CRB1: variants seen among roughly 807,000 people sequenced by gnomAD.
CRB1 encodes crumbs cell polarity complex component 1.
CRB1 carries 83 observed loss-of-function variants against 120.0 expected under a neutral mutation model. The observed-to-expected ratio is 0.69, with a 90% CI of 0.58 to 0.83. The LOEUF (loss-of-function observed/expected upper bound fraction) is 0.83. Ranked by LOEUF, CRB1 falls within the 40% of genes least tolerant of loss-of-function variation. The pLI is 0.00. For missense variants in CRB1, 1,699 were observed against 1,687.6 expected (o/e 1.01, Z -0.12); for synonymous variants, 625 against 612.5 (o/e 1.02, Z -0.30).
intron 5 of CRB1, among the ~76,000 whole-genome samples, chr1:197,401,680 T>C (rs1230259602): frequency 6.6e-6 from 1 of 152,146 alleles, no homozygotes; most frequent in African/African-American, 2.4e-5. Flanking sequence ...TTTGATAATG[T>C]ACTATTTTAT....
the CRB1 span, among the ~76,000 whole-genome samples, chr1:197,229,610 C>T: frequency 4.6e-5 from 7 of 152,264 alleles, no homozygotes; most frequent in Middle Eastern, 3.4e-3. Context: ...TCCCCTCCTT[C>T]TCTCCCTTCT....
intron 5 of CRB1, among the ~76,000 whole-genome samples, chr1:197,405,850 C>T (rs1053308518): frequency 3.3e-5 from 5 of 151,714 alleles, no homozygotes; most frequent in East Asian, 1.9e-4. Context: ...GCAGCCACCC[C>T]GTCTGGGAAG....
chr1:197,325,744 G>A (rs976197294), intron 1 of CRB1, among the ~76,000 whole-genome samples: 1 of 152,080 alleles, frequency 6.6e-6, no homozygotes, highest in African/African-American at 2.4e-5. Context: ...ACATGTTCCA[G>A]AACAATGAAT....
chr1:197,414,076 G>A (rs1663848584), intron 5 of CRB1: 1 of 362,784 alleles, frequency 2.8e-6, no homozygotes, highest in Non-Finnish European at 5.7e-6. Flanking sequence ...AGCAACTATT[G>A]TTTAATGCTA....
chr1:197,376,547 T>C (rs1220000657), intron 5 of CRB1, among the ~76,000 whole-genome samples: 1 of 152,154 alleles, frequency 6.6e-6, no homozygotes, highest in Admixed American at 6.6e-5. Context: ...TCTCTTTCTT[T>C]AATATCCCAC....
rs1241817338 is a variant in CRB1 at position 197,372,175 on chromosome 1, G to C, written c.1171+15162G>C. ...CTAAGCAATAAGATGAAGTCAACCT[G>C]TAGTATACATTTCAACTCTACTCCC... On this transcript the variant is annotated intron_variant, in intron 5 of 11. Transcript: ENST00000367400. Among the ~76,000 whole-genome samples the C allele has an allele frequency of 2.0e-5, 3 of 152,110 alleles. No homozygotes were observed. In the East Asian group the frequency reaches 5.8e-4, roughly 29 times the overall value.
At chr1:197,331,413 T>A (rs1658851096) in intron 2 of CRB1, among the ~76,000 whole-genome samples, 1 of 152,216 alleles carries the variant, frequency 6.6e-6, no homozygotes, top group African/African-American at 2.4e-5. Context: ...GACTTAATTG[T>A]CAATACTATC....
intron 1 of CRB1, among the ~76,000 whole-genome samples, chr1:197,313,044 A>G (rs1324488745): frequency 6.6e-6 from 1 of 152,238 alleles, no homozygotes; most frequent in African/African-American, 2.4e-5. Context: ...TTCAGGCTTA[A>G]CAAGAAACAT....
intron 6 of CRB1, 102 bp downstream of exon 6, chr1:197,422,058 G>A: frequency 9.7e-7 from 1 of 1,029,468 alleles, no homozygotes; most frequent in Admixed American, 2.0e-5. Flanking sequence ...GAAACATAAT[G>A]ACCCCACAAG....
chr1:197,327,129 A>AAC (rs1658561749), intron 1 of CRB1, among the ~76,000 whole-genome samples: 1 of 150,018 alleles, frequency 6.7e-6, no homozygotes, highest in African/African-American at 2.5e-5. Flanking sequence ...AAAAAAAAAA[A>AAC]AAACAGAAAC....
In CRB1 at chr1:197,328,886, C is replaced by G. The variant is rs1658690599; in HGVS notation, c.535C>G (p.Gln179Glu). 6.2e-7 allele frequency: 1 copy of G among 1,614,088 alleles called. No homozygotes were observed. Among genetic ancestry groups the G allele is most frequent in the Non-Finnish European group, 8.5e-7 (1 of 1,180,032 alleles). Residue 179 changes from glutamine (Q) to glutamate (E), a missense_variant, in exon 2 of 12, where the codon CAA (glutamine) becomes GAA (glutamate). Gln to Glu is a conservative substitution (Grantham distance 29, BLOSUM62 2). Coordinates refer to ENST00000367400, the MANE Select transcript of CRB1 (RefSeq NM_201253.3). ...GYSCFCVPGY[Q>E]GRHCDLEVDE... Reference sequence around the variant, plus strand: ...CTCCTGCTTCTGTGTCCCAGGATATCAAGGCAGACACTGCGACTTGGAAGT... The same window carrying G: ...CTCCTGCTTCTGTGTCCCAGGATATGAAGGCAGACACTGCGACTTGGAAGT...
At chr1:197,275,659 G>C (rs561619699) in intron 1 of CRB1, among the ~76,000 whole-genome samples, 7 of 152,094 alleles carry the variant, frequency 4.6e-5, no homozygotes, top group African/African-American at 1.7e-4. Flanking sequence ...TGATCAATAT[G>C]TAAAATAGCA....
intron 1 of CRB1, among the ~76,000 whole-genome samples, chr1:197,302,392 C>A (rs907565950): frequency 1.9e-4 from 29 of 152,102 alleles, no homozygotes; most frequent in African/African-American, 6.5e-4. Context: ...ACTAGGAAAC[C>A]AAAAATATTG....
At chr1:197,250,554 T>C in the CRB1 span, among the ~76,000 whole-genome samples, 4 of 152,004 alleles carry the variant, frequency 2.6e-5, no homozygotes, top group South Asian at 6.2e-4. Context: ...TACATTACAT[T>C]GGAGGGTTGG....
chr1:197,400,555 T>A (rs1056820328), intron 5 of CRB1, among the ~76,000 whole-genome samples: 1 of 151,774 alleles, frequency 6.6e-6, no homozygotes, highest in Admixed American at 6.6e-5. Flanking sequence ...CCTAACTAAA[T>A]CTCTTTTGTA....
At chr1:197,305,934 G>A (rs571634475) in intron 1 of CRB1, among the ~76,000 whole-genome samples, 5 of 151,566 alleles carry the variant, frequency 3.3e-5, no homozygotes, top group African/African-American at 1.2e-4. Context: ...CAAGAACTGA[G>A]CAAGCCTGCA....
chr1:197,462,514 C>T (rs1394866356), intron 11 of CRB1, among the ~76,000 whole-genome samples: 3 of 152,126 alleles, frequency 2.0e-5, no homozygotes, highest in Non-Finnish European at 4.4e-5. Flanking sequence ...AGGACTCCCT[C>T]AGTTTGCCCT....
chr1:197,352,855 C>T (rs1660185821), intron 4 of CRB1, among the ~76,000 whole-genome samples: 1 of 152,030 alleles, frequency 6.6e-6, no homozygotes, highest in Non-Finnish European at 1.5e-5. Context: ...AAAACTAATA[C>T]AAAATGAGCA....
intron 1 of CRB1, among the ~76,000 whole-genome samples, chr1:197,285,796 C>T (rs1216642035): frequency 6.6e-6 from 1 of 151,840 alleles, no homozygotes; most frequent in East Asian, 1.9e-4. Flanking sequence ...AAGGCCATGC[C>T]AGGGGAAACA....
Sources: allele counts gnomAD v4.1 joint callset (sites outside exome capture counted in the v4.1 genomes callset), GRCh38; gene constraint gnomAD v4.1.1; transcripts MANE v1.5; gene names NCBI Gene and HGNC (gene_info 2026-07-23, HGNC 2026-07-21).